Variants in INPP5A observed in about 807,000 individuals in gnomAD.
INPP5A encodes 43 kDa inositol polyphosphate 5-phophatase.
In INPP5A, 14 loss-of-function variants were observed where a neutral mutation model predicts 65.2. That is an observed-to-expected ratio of 0.21 (90% CI 0.14 to 0.34). The LOEUF is 0.34. Ranked by LOEUF, INPP5A falls within the 10% of genes least tolerant of loss-of-function variation. INPP5A has a pLI of 1.00. For missense variants in INPP5A, 431 were observed against 545.6 expected (o/e 0.79, Z 2.09); for synonymous variants, 207 against 208.3 (o/e 0.99, Z 0.05).
intron 9 of INPP5A, among the ~76,000 whole-genome samples, chr10:132,730,303 C>T (rs892294719): frequency 4.6e-5 from 7 of 152,260 alleles, no homozygotes; most frequent in Admixed American, 2.0e-4. Flanking sequence ...CCTCCGCCCC[C>T]ATCACGCTGG....
At chr10:132,735,688 G>C (rs1003395403) in intron 9 of INPP5A, among the ~76,000 whole-genome samples, 2 of 152,234 alleles carry the variant, frequency 1.3e-5, no homozygotes, top group Non-Finnish European at 2.9e-5. Context: ...TCAGTGGCAG[G>C]CTTGCTGGAA....
intron 9 of INPP5A, among the ~76,000 whole-genome samples, chr10:132,731,212 A>G (rs1846078768): frequency 6.6e-6 from 1 of 152,166 alleles, no homozygotes; most frequent in Non-Finnish European, 1.5e-5. Context: ...AGAACAGAGA[A>G]GGCGGCCCTG....
At chr10:132,565,677 G>A (rs1564918178) in intron 1 of INPP5A, among the ~76,000 whole-genome samples, 2 of 151,992 alleles carry the variant, frequency 1.3e-5, no homozygotes, top group African/African-American at 2.4e-5. Flanking sequence ...ATGTGTGGGT[G>A]TGTTTGTGTG....
intron 4 of INPP5A, among the ~76,000 whole-genome samples, chr10:132,668,163 T>C (rs1380412050): frequency 6.6e-6 from 1 of 152,242 alleles, no homozygotes; most frequent in African/African-American, 2.4e-5. Context: ...GAGGGACTAA[T>C]GGGCTCCTGC....
rs2071403041 is a variant in INPP5A, at chr10:132,575,533, G to A, written c.76-32382G>A. ...ACAATCATTTGGAAACTGGTGAAAAGGGGAAAGCAATGAGCACTATCCTAC... is the reference window on the plus strand; with the variant it reads ...ACAATCATTTGGAAACTGGTGAAAAAGGGAAAGCAATGAGCACTATCCTAC... On this transcript the variant is annotated intron_variant, in intron 1 of 15. Transcript: ENST00000368594. This position sits in a 1 kb window ranked among gnomAD's most constrained non-coding sequence, Gnocchi z 5.4. Among the ~76,000 whole-genome samples the A allele has an allele frequency of 6.6e-6, 1 of 152,146 alleles. No homozygotes were observed. Among genetic ancestry groups the A allele is most frequent in the Non-Finnish European group, 1.5e-5 (1 of 68,036 alleles).
intron 7 of INPP5A, 67 bp downstream of exon 7, chr10:132,708,432 G>T (rs571559932): frequency 6.7e-7 from 1 of 1,491,224 alleles, no homozygotes. Flanking sequence ...TGCACCAGCG[G>T]CATGTTCCAC....
At chr10:132,749,452 C>T (rs1328419485) in intron 9 of INPP5A, 65 bp from the exon 10 acceptor site, 13 of 1,420,358 alleles carry the variant, frequency 9.2e-6, no homozygotes, top group African/African-American at 7.0e-5. Context: ...CTCGGGGTGT[C>T]GGGTGACGCT....
At chr10:132,747,828 C>T (rs1001758361) in intron 9 of INPP5A, among the ~76,000 whole-genome samples, 6 of 152,198 alleles carry the variant, frequency 3.9e-5, no homozygotes, top group Admixed American at 2.0e-4. Context: ...ATGGGACAAT[C>T]GCTTGAGCCC....
rs1041291657 is a variant in INPP5A, at chr10:132,783,116, C to T, written c.*1087C>T. ...CCGCTACAGACAACCCATGTCATAA[C>T]CTTGTTGCAAATATTTTTCTCCTAT... On this transcript the variant is annotated 3_prime_UTR_variant, in exon 16 of 16. Coordinates refer to ENST00000368594, the MANE Select transcript of INPP5A (RefSeq NM_005539.5). 1 of 152,362 alleles carries T rather than the reference C, an allele frequency of 6.6e-6. No individual in the cohort carries two copies. The highest frequency in any genetic ancestry group is 2.4e-5 in the African/African-American group (1 of 41,438). The allele number at this position is 152,362 out of a possible 1,614,324, so 9.4% of individuals were successfully genotyped here. A position where few individuals can be genotyped will look rare whatever the true frequency, so the allele number is the denominator to read the frequency against.
chr10:132,741,056 CG>C lies in INPP5A; in HGVS notation c.733-8460del, dbSNP rs1160570590. On this transcript the variant is annotated intron_variant, in intron 9 of 15. Transcript: ENST00000368594. The surrounding 1 kb of genome is among the most constrained non-coding windows in gnomAD (Gnocchi z 4.4). ...CAGCCTGGGCAACATAGGGAGTCCCCGTCTCTACAGAAAATAAGAAAGTAAA... is the reference window on the plus strand; with the variant it reads ...CAGCCTGGGCAACATAGGGAGTCCCCTCTCTACAGAAAATAAGAAAGTAAA... Among the ~76,000 whole-genome samples the C allele has an allele frequency of 6.6e-6, 1 of 152,076 alleles. No homozygotes were observed. Among genetic ancestry groups the C allele is most frequent in the Non-Finnish European group, 1.5e-5 (1 of 68,010 alleles).
intron 1 of INPP5A, among the ~76,000 whole-genome samples, chr10:132,590,876 C>T (rs1412104996): frequency 1.3e-5 from 2 of 152,162 alleles, no homozygotes; most frequent in South Asian, 2.1e-4. Flanking sequence ...GTGTCCTGTC[C>T]GTGGTTAGTT....
rs191145743 is a variant in INPP5A, at chr10:132,724,457, T to C, written c.648-2364T>C. 4.6e-5 allele frequency among the ~76,000 whole-genome samples: 7 copies of C among 152,332 alleles called. No individual in the cohort carries two copies. The East Asian group carries it at 1.2e-3, about 25-fold the overall frequency. On this transcript the variant is annotated intron_variant, in intron 8 of 15. Transcript: ENST00000368594. ...CTCAGCCACAGGGGAAACTGATACA[T>C]GTGACTATATGGAAATTAAAACTTT...
At chr10:132,689,836 GCTAAT>G (rs1353441861) in intron 4 of INPP5A, among the ~76,000 whole-genome samples, 7 of 152,248 alleles carry the variant, frequency 4.6e-5, no homozygotes, top group African/African-American at 1.7e-4. Context: ...CAACCATCCG[GCTAAT>G]TTGTAAGTGG....
intron 1 of INPP5A, among the ~76,000 whole-genome samples, chr10:132,581,900 C>T (rs1194558492): frequency 3.3e-5 from 5 of 151,766 alleles, no homozygotes; most frequent in South Asian, 2.1e-4. Context: ...TGCAGTGGCG[C>T]GATCTCGGCT....
At chr10:132,757,071 G>T (rs1483394134) in intron 11 of INPP5A, among the ~76,000 whole-genome samples, 1 of 152,190 alleles carries the variant, frequency 6.6e-6, no homozygotes, top group Non-Finnish European at 1.5e-5. Flanking sequence ...GAGTGAAAAA[G>T]TTGAAAAATG....
chr10:132,694,082 T>G (rs1845309831), intron 5 of INPP5A, among the ~76,000 whole-genome samples: 1 of 152,208 alleles, frequency 6.6e-6, no homozygotes, highest in Non-Finnish European at 1.5e-5. Context: ...ATCTACGTTT[T>G]TGTCAAGCTC....
intron 6 of INPP5A, among the ~76,000 whole-genome samples, chr10:132,701,284 G>A (rs201538884): frequency 6.6e-6 from 1 of 152,254 alleles, no homozygotes; most frequent in East Asian, 1.9e-4. Flanking sequence ...TCATTTCTGA[G>A]GTGAAAACCT....
chr10:132,565,325 T>C (rs545535764), intron 1 of INPP5A, among the ~76,000 whole-genome samples: 4 of 152,350 alleles, frequency 2.6e-5, no homozygotes, highest in Non-Finnish European at 5.9e-5. Flanking sequence ...AAGGCTTCTC[T>C]GAAGCACTTT....
chr10:132,601,547 T>C (rs1411298438), intron 1 of INPP5A, among the ~76,000 whole-genome samples: 1 of 152,252 alleles, frequency 6.6e-6, no homozygotes, highest in Admixed American at 6.5e-5. Flanking sequence ...GTGCTTTGGA[T>C]ATTGCATTTA....
Sources: allele counts gnomAD v4.1 joint callset (sites outside exome capture counted in the v4.1 genomes callset), GRCh38; gene constraint gnomAD v4.1.1; non-coding constraint Gnocchi (gnomAD v3.1); transcripts MANE v1.5; gene names NCBI Gene and HGNC (gene_info 2026-07-23, HGNC 2026-07-21).